The following PLEKHM3 variants were observed in gnomAD, a reference collection of about 807,000 sequenced individuals.
The protein encoded by PLEKHM3 is pleckstrin homology domain-containing family M member 3.
Under a neutral mutation model 81.8 loss-of-function variants are expected in PLEKHM3, and 45 were observed. That is an observed-to-expected ratio of 0.55 (90% CI 0.43 to 0.71). PLEKHM3 has a LOEUF of 0.71. PLEKHM3 is among the 30% of genes least tolerant of loss of function. PLEKHM3 has a pLI of 0.00. For synonymous variants in PLEKHM3, 352 were observed against 356.4 expected (o/e 0.99, Z 0.14); for missense variants, 788 against 924.3 (o/e 0.85, Z 1.91).
In PLEKHM3 at chr2:207,946,150, T is replaced by C. The variant is rs559329740; in HGVS notation, c.1692+217A>G. Among the ~76,000 whole-genome samples the C allele has an allele frequency of 2.6e-5, 4 of 152,324 alleles. No homozygotes were observed. The South Asian group carries it at 8.3e-4, about 32-fold the overall frequency. ...CTAGCACCAGAAGTAAAAACTGCTC[T>C]ATATGTCTTTTTAAATGAGGAAACT... On this transcript the variant is annotated intron_variant, in intron 4 of 7. Transcript: ENST00000427836.
intron 6 of PLEKHM3, among the ~76,000 whole-genome samples, chr2:207,891,942 T>C (rs1044204054): frequency 6.6e-6 from 1 of 152,170 alleles, no homozygotes; most frequent in African/African-American, 2.4e-5. Context: ...GACATTTTAT[T>C]TGGGGAAGGC....
intron 5 of PLEKHM3, among the ~76,000 whole-genome samples, chr2:207,923,910 T>A (rs1230771660): frequency 2.8e-4 from 31 of 110,052 alleles, no homozygotes; most frequent in African/African-American, 9.9e-4. Context: ...TATATATTTT[T>A]TTTTTTTTTT....
chr2:207,833,159 A>C (rs2092298358), intron 7 of PLEKHM3, among the ~76,000 whole-genome samples: 1 of 151,348 alleles, frequency 6.6e-6, no homozygotes, highest in Admixed American at 6.6e-5. Flanking sequence ...CTGAGTACTC[A>C]CTGAGTTTCT....
intron 3 of PLEKHM3, among the ~76,000 whole-genome samples, chr2:207,947,736 A>G (rs533952956): frequency 1.3e-5 from 2 of 152,292 alleles, no homozygotes; most frequent in African/African-American, 4.8e-5. Context: ...AACTACGACA[A>G]CTACTACTAG....
At position 207,976,980 on chromosome 2, in the gene PLEKHM3, T is replaced by C. The variant is rs1408352342; in HGVS notation, c.1217A>G (p.Asn406Ser). The C allele has an allele frequency of 6.2e-7, 1 of 1,614,220 alleles. No homozygotes were observed. Among genetic ancestry groups the C allele is most frequent in the East Asian group, 2.2e-5 (1 of 44,880 alleles). The change falls in exon 3 of 8, where the codon AAC (asparagine) becomes AGC (serine). Residue 406 changes from asparagine (N) to serine (S), a missense_variant. By Grantham distance (46) the Asn-to-Ser change is conservative. Coordinates refer to ENST00000427836, the MANE Select transcript of PLEKHM3 (RefSeq NM_001080475.3). The surrounding 1 kb of genome is among the most constrained non-coding windows in gnomAD (Gnocchi z 4.1). ...KLDEDPLLSYNVDVCLAVQMD... is the reference protein window; with the variant it reads ...KLDEDPLLSYSVDVCLAVQMD... Reference sequence around the variant, plus strand: ...CTGGACAGCCAGACACACGTCCACGTTGTAGCTCAACAGTGGATCCTCGTC... The same window carrying C: ...CTGGACAGCCAGACACACGTCCACGCTGTAGCTCAACAGTGGATCCTCGTC...
chr2:207,991,297 T>C (rs1473937491), intron 2 of PLEKHM3, among the ~76,000 whole-genome samples: 1 of 152,188 alleles, frequency 6.6e-6, no homozygotes, highest in Non-Finnish European at 1.5e-5. Context: ...TGGCATTCCA[T>C]TACAATTTCT....
intron 1 of PLEKHM3, among the ~76,000 whole-genome samples, chr2:208,017,369 A>G (rs1692956936): frequency 6.6e-6 from 1 of 152,174 alleles, no homozygotes; most frequent in South Asian, 2.1e-4. Context: ...TAAACCAACG[A>G]ACTGGTGGAG....
At chr2:207,922,307 T>C (rs997598130) in intron 5 of PLEKHM3, among the ~76,000 whole-genome samples, 3 of 152,186 alleles carry the variant, frequency 2.0e-5, no homozygotes, top group Non-Finnish European at 4.4e-5. Flanking sequence ...GAACAAATAA[T>C]ATATTTAAGG....
chr2:208,006,601 T>A (rs1004692104), intron 1 of PLEKHM3, among the ~76,000 whole-genome samples: 1 of 152,208 alleles, frequency 6.6e-6, no homozygotes, highest in Non-Finnish European at 1.5e-5. Context: ...CCTTTACAAA[T>A]GTAAACTGCT....
At chr2:207,860,394 A>G (rs1314474000) in intron 7 of PLEKHM3, among the ~76,000 whole-genome samples, 1 of 152,058 alleles carries the variant, frequency 6.6e-6, no homozygotes, top group Admixed American at 6.6e-5. Flanking sequence ...GTTCTGAACC[A>G]CAGTATAAGT....
chr2:207,943,675 C>T (rs1235521778), intron 4 of PLEKHM3, among the ~76,000 whole-genome samples: 6 of 151,568 alleles, frequency 4.0e-5, no homozygotes, highest in African/African-American at 1.2e-4. Flanking sequence ...GAGACCATCC[C>T]GGCTAGAACG....
At chr2:207,919,382 G>A (rs996918838) in intron 5 of PLEKHM3, among the ~76,000 whole-genome samples, 6 of 152,114 alleles carry the variant, frequency 3.9e-5, no homozygotes, top group East Asian at 1.9e-4. Flanking sequence ...GAAACTATCC[G>A]TTTGGGCCAG....
chr2:207,868,862 C>G (rs907933053), intron 6 of PLEKHM3: 2 of 151,830 alleles, frequency 1.3e-5, no homozygotes, highest in Non-Finnish European at 2.9e-5. Flanking sequence ...GCAGTCACAT[C>G]CATTTCTTCT....
In PLEKHM3 at chr2:208,001,391, GGT is replaced by G; in HGVS notation, c.247_248del (p.Thr83GlnfsTer22). On this transcript the variant is annotated frameshift_variant, in exon 2 of 8. Coordinates refer to ENST00000427836, the MANE Select transcript of PLEKHM3 (RefSeq NM_001080475.3). LOFTEE classifies it high-confidence loss of function. ...WDHCKSRLLE[T>X]KAQNVFPAKE... The stretch of plus-strand genomic sequence containing the variant: ...TGGCAGGGAAGACATTTTGAGCTTT[GGT>G]TTCTAAGAGCCTGCTCTTACAGTGG... The G allele has an allele frequency of 6.2e-7, 1 of 1,614,160 alleles. No individual in the cohort carries two copies. Among genetic ancestry groups the G allele is most frequent in the Non-Finnish European group, 8.5e-7 (1 of 1,180,028 alleles).
chr2:207,940,133 A>T (rs1007526268), intron 4 of PLEKHM3, among the ~76,000 whole-genome samples: 3 of 152,234 alleles, frequency 2.0e-5, no homozygotes, highest in Non-Finnish European at 4.4e-5. Context: ...ACTATGTGCC[A>T]GAACTGTGCT....
At chr2:207,930,899 G>C (rs760935637) in intron 5 of PLEKHM3, 27 bp downstream of exon 5, 7 of 1,602,592 alleles carry the variant, frequency 4.4e-6, no homozygotes, top group Non-Finnish European at 4.3e-6. Flanking sequence ...AAACAAACGG[G>C]AGCCGTCTGA....
chr2:207,956,581 T>C (rs1025938696), intron 3 of PLEKHM3, among the ~76,000 whole-genome samples: 1 of 151,940 alleles, frequency 6.6e-6, no homozygotes, highest in Non-Finnish European at 1.5e-5. Context: ...GGTTTTACTC[T>C]GTCACCCAGC....
chr2:207,988,040 C>T (rs998012245), intron 2 of PLEKHM3, among the ~76,000 whole-genome samples: 1 of 152,222 alleles, frequency 6.6e-6, no homozygotes, highest in Non-Finnish European at 1.5e-5. Context: ...ATATTGCTCA[C>T]CTTCTATCAT....
chr2:207,922,735 C>G (rs1468257199), intron 5 of PLEKHM3, among the ~76,000 whole-genome samples: 1 of 151,950 alleles, frequency 6.6e-6, no homozygotes, highest in Admixed American at 6.6e-5. Flanking sequence ...TGGTGTGAAC[C>G]CGGGAGGCAG....
Sources: gnomAD v4.1 joint callset for allele counts (sites outside exome capture counted in the v4.1 genomes callset) on GRCh38, gnomAD v4.1.1 for gene constraint, Gnocchi (gnomAD v3.1) non-coding constraint, MANE v1.5 for transcripts, NCBI Gene and HGNC (gene_info 2026-07-23, HGNC 2026-07-21) for gene names.